MTHFSD: variants seen among roughly 807,000 people sequenced by gnomAD.
MTHFSD encodes methenyltetrahydrofolate synthetase domain containing, also known as methenyltetrahydrofolate synthase domain-containing protein.
Under a neutral mutation model 31.1 loss-of-function variants are expected in MTHFSD, and 37 were observed. That is an observed-to-expected ratio of 1.19 (90% CI 0.91 to 1.56). MTHFSD has a LOEUF of 1.56. Among genes scored for constraint, MTHFSD ranks in the 40% most tolerant of loss-of-function variants. MTHFSD has a pLI of 0.00. For synonymous variants in MTHFSD, 221 were observed against 206.9 expected (o/e 1.07, Z -0.59); for missense variants, 664 against 510.1 (o/e 1.30, Z -2.91).
At chr16:86,546,805 G>T (rs61575122) in intron 4 of MTHFSD, among the ~76,000 whole-genome samples, 156 bp from the exon 5 acceptor site, 1 of 152,238 alleles carries the variant, frequency 6.6e-6, no homozygotes, top group Non-Finnish European at 1.5e-5. Flanking sequence ...AGGAGAAGCC[G>T]CATTCCAGAA....
chr16:86,543,021 G>A (rs1183889543), intron 5 of MTHFSD, among the ~76,000 whole-genome samples: 11 of 152,206 alleles, frequency 7.2e-5, no homozygotes, highest in Non-Finnish European at 1.5e-4. Flanking sequence ...ACTCACATCT[G>A]ATCAAGCTAC....
intron 7 of MTHFSD, 72 bp downstream of exon 7, chr16:86,541,625 C>A (rs1246743391): frequency 5.8e-6 from 9 of 1,558,078 alleles, no homozygotes; most frequent in Non-Finnish European, 6.1e-6. Flanking sequence ...AGCTCCCATG[C>A]CAGACAGAAA....
intron 3 of MTHFSD, among the ~76,000 whole-genome samples, chr16:86,551,637 A>T (rs1026096954): frequency 4.6e-5 from 7 of 152,228 alleles, no homozygotes; most frequent in African/African-American, 1.7e-4. Context: ...ATCCAGAAGC[A>T]AATGATTCTG....
intron 5 of MTHFSD, among the ~76,000 whole-genome samples, 189 bp downstream of exon 5, chr16:86,546,370 T>G (rs1014466731): frequency 1.3e-5 from 2 of 152,242 alleles, no homozygotes; most frequent in Non-Finnish European, 2.9e-5. Flanking sequence ...GTACACATGT[T>G]GGGCTGGGGC....
At chr16:86,540,980 C>A in intron 7 of MTHFSD, 1 of 1,170,298 alleles carries the variant, frequency 8.5e-7, no homozygotes, top group South Asian at 1.7e-5. Flanking sequence ...ATTTTCCATG[C>A]CCAAAGGAGG....
intron 7 of MTHFSD, among the ~76,000 whole-genome samples, chr16:86,538,831 G>A (rs893800843): frequency 6.6e-6 from 1 of 152,178 alleles, no homozygotes; most frequent in Non-Finnish European, 1.5e-5. Context: ...TTCAGGGTAC[G>A]GTGACTGGGA....
Position 86,541,763 on chromosome 16 carries a change from G to A in MTHFSD, c.615C>T (p.Leu205=). 6.2e-7 allele frequency: 1 copy of A among 1,614,228 alleles called. No homozygotes were observed. Among genetic ancestry groups the A allele is most frequent in the African/African-American group, 1.3e-5 (1 of 75,074 alleles). Reference sequence around the variant, plus strand: ...CTGTGGCGATGACTCTGGTTGGAGTGAGGATGTAGTCCACAGTGATGTCGT... The same window carrying A: ...CTGTGGCGATGACTCTGGTTGGAGTAAGGATGTAGTCCACAGTGATGTCGT... The part of the protein sequence containing the change: ...EEHDITVDYI[L]TPTRVIATGC... The change falls in exon 7 of 8, where the codon CTC becomes CTT. Residue 205 remains leucine, a synonymous_variant. Transcript: ENST00000360900.
At chr16:86,538,503 C>T (rs1240736856) in intron 7 of MTHFSD, among the ~76,000 whole-genome samples, 1 of 152,252 alleles carries the variant, frequency 6.6e-6, no homozygotes, top group African/African-American at 2.4e-5. Flanking sequence ...CTGCATTTCA[C>T]TCCCGACAAG....
At chr16:86,549,395 G>A (rs1442813315) in intron 3 of MTHFSD, among the ~76,000 whole-genome samples, 1 of 152,216 alleles carries the variant, frequency 6.6e-6, no homozygotes. Context: ...TTTTGAGCAG[G>A]AGATGACAAC....
intron 1 of MTHFSD, 87 bp from the exon 2 acceptor site, chr16:86,554,838 G>A (rs1973839340): frequency 5.7e-6 from 7 of 1,226,956 alleles, no homozygotes; most frequent in Middle Eastern, 1.9e-4. Flanking sequence ...AGCGACCCCC[G>A]CGTGTAGGTC....
At chr16:86,543,252 C>G (rs1315127257) in intron 5 of MTHFSD, among the ~76,000 whole-genome samples, 1 of 152,220 alleles carries the variant, frequency 6.6e-6, no homozygotes, top group Non-Finnish European at 1.5e-5. Flanking sequence ...AGCTGGCTCA[C>G]TCCAGCTAGG....
At chr16:86,546,123 G>A (rs1387983809) in intron 5 of MTHFSD, among the ~76,000 whole-genome samples, 1 of 152,174 alleles carries the variant, frequency 6.6e-6, no homozygotes, top group African/African-American at 2.4e-5. Flanking sequence ...GACACACCAC[G>A]TTGTTCAGGA....
chr16:86,551,911 T>G (rs974538164), intron 3 of MTHFSD, 122 bp downstream of exon 3: 1 of 1,506,878 alleles, frequency 6.6e-7, no homozygotes, highest in Non-Finnish European at 8.8e-7. Context: ...CTTTCTGTAT[T>G]GGAGGGAATC....
At chr16:86,533,133 C>G (rs758674629) in intron 7 of MTHFSD, 1 of 152,268 alleles carries the variant, frequency 6.6e-6, no homozygotes, top group African/African-American at 2.4e-5. Flanking sequence ...CTATGCGAAA[C>G]TTAAGTCTCA....
intron 7 of MTHFSD, among the ~76,000 whole-genome samples, chr16:86,536,635 G>A (rs552533675): frequency 2.0e-5 from 3 of 152,370 alleles, no homozygotes; most frequent in Admixed American, 1.3e-4. Context: ...CCTGGGAGGG[G>A]TCTGGAAGTC....
intron 2 of MTHFSD, chr16:86,553,608 C>G (rs1973520499): frequency 6.4e-6 from 1 of 157,028 alleles, no homozygotes; most frequent in Non-Finnish European, 1.4e-5. Context: ...TCCCCAAGAC[C>G]TGCAGCCTGC....
intron 2 of MTHFSD, among the ~76,000 whole-genome samples, chr16:86,554,172 C>G (rs1227527920): frequency 6.6e-6 from 1 of 152,168 alleles, no homozygotes; most frequent in Non-Finnish European, 1.5e-5. Flanking sequence ...CTTGCTGCTG[C>G]TCATTCTTTG....
In MTHFSD at chr16:86,532,339, A is replaced by T. The variant is rs1361622500; in HGVS notation, c.824T>A (p.Val275Asp). 6.3e-7 allele frequency: 1 copy of T among 1,594,448 alleles called. No individual in the cohort carries two copies. The part of the protein sequence containing the change: ...PGCQQTVPLS[V>D]GRRPPDTPGP... ...GGGTGTGTCCGGGGGCCTCCTGCCA[A>T]CACTCAGGGGCACTGTCTGCTGGCA... Residue 275 changes from valine to aspartate, a missense_variant, in exon 8 of 8, where the codon GTT becomes GAT. Val to Asp is a radical substitution (Grantham distance 152, BLOSUM62 -3). Transcript: ENST00000360900.
intron 7 of MTHFSD, chr16:86,541,003 G>T: frequency 8.5e-7 from 1 of 1,176,072 alleles, no homozygotes. Context: ...TTCAAACGGT[G>T]AATGATTTGG....
Sources: allele counts gnomAD v4.1 joint callset (sites outside exome capture counted in the v4.1 genomes callset), GRCh38; gene constraint gnomAD v4.1.1; transcripts MANE v1.5; gene names NCBI Gene and HGNC (gene_info 2026-07-23, HGNC 2026-07-21).